Variants in HERC3 observed in about 807,000 individuals in gnomAD.
HERC3 encodes the protein probable E3 ubiquitin-protein ligase HERC3.
HERC3 carries 58 observed loss-of-function variants against 129.9 expected under a neutral mutation model. The observed-to-expected ratio is 0.45, with a 90% CI of 0.36 to 0.56. The LOEUF is 0.56. HERC3 is among the 20% of genes least tolerant of loss of function. HERC3 has a pLI of 0.00. For missense variants in HERC3, 835 were observed against 1,244.2 expected (o/e 0.67, Z 4.95); for synonymous variants, 430 against 451.0 (o/e 0.95, Z 0.59).
intron 11 of HERC3, among the ~76,000 whole-genome samples, 179 bp from the exon 12 acceptor site, chr4:88,663,974 C>T (rs1022129588): frequency 6.6e-6 from 1 of 152,068 alleles, no homozygotes; most frequent in East Asian, 1.9e-4. Flanking sequence ...AGTTCTTCTT[C>T]ATTTTGAGAT....
intron 3 of HERC3, among the ~76,000 whole-genome samples, chr4:88,636,950 C>T (rs950037927): frequency 1.8e-4 from 28 of 151,878 alleles, no homozygotes; most frequent in African/African-American, 6.5e-4. Context: ...GGCAAAACAG[C>T]GAAACCCCAT....
At chr4:88,698,901 T>C (rs1476977803) in intron 23 of HERC3, among the ~76,000 whole-genome samples, 36 of 73,366 alleles carry the variant, frequency 4.9e-4, no homozygotes, top group African/African-American at 1.3e-3. Context: ...CCACCCTCCT[T>C]ACCCTCTTCT....
chr4:88,612,327 G>GTGTGTGTGTGT (rs1560675020), intron 3 of HERC3, among the ~76,000 whole-genome samples: 14 of 149,690 alleles, frequency 9.4e-5, no homozygotes, highest in South Asian at 6.3e-4. Flanking sequence ...GTGTGTGTGT[G>GTGTGTGTGTGT]GTAAGAAGGA....
intron 2 of HERC3, among the ~76,000 whole-genome samples, chr4:88,605,466 C>T (rs1032365256): frequency 6.6e-6 from 1 of 152,154 alleles, no homozygotes; most frequent in Admixed American, 6.5e-5. Context: ...CTGTTACTAA[C>T]TTAATGGTTT....
chr4:88,692,638 A>C (rs1469754170), intron 23 of HERC3, among the ~76,000 whole-genome samples: 2 of 152,188 alleles, frequency 1.3e-5, no homozygotes. Context: ...TGCCAGTAAC[A>C]CTTCTTGAGT....
intron 5 of HERC3, 143 bp downstream of exon 5, chr4:88,652,231 A>T: frequency 1.5e-6 from 1 of 651,970 alleles, no homozygotes. Flanking sequence ...GACAATTCTC[A>T]TATGGGCTTT....
chr4:88,553,391 T>C, the HERC3 span, among the ~76,000 whole-genome samples: 3 of 152,188 alleles, frequency 2.0e-5, no homozygotes, highest in African/African-American at 7.2e-5. Flanking sequence ...CTCTGTTGCT[T>C]GTAAACAACA....
chr4:88,670,876 T>C (rs1212088966), intron 16 of HERC3, among the ~76,000 whole-genome samples: 5 of 152,114 alleles, frequency 3.3e-5, no homozygotes, highest in Non-Finnish European at 1.5e-5. Flanking sequence ...TATGCCACAA[T>C]TCCCACTGCA....
chr4:88,675,118 T>C (rs1203664820), intron 16 of HERC3, among the ~76,000 whole-genome samples: 33 of 152,228 alleles, frequency 2.2e-4, no homozygotes, highest in East Asian at 1.9e-4. Flanking sequence ...AAACCCTAGT[T>C]GCATTGTGGA....
chr4:88,653,175 C>A, intron 6 of HERC3, 85 bp downstream of exon 6: 2 of 1,311,080 alleles, frequency 1.5e-6, no homozygotes, highest in Non-Finnish European at 2.1e-6. Flanking sequence ...TATGTGCTAG[C>A]CCCATGTGAG....
At chr4:88,609,709 T>C (rs1232227096) in intron 3 of HERC3, among the ~76,000 whole-genome samples, 3 of 152,152 alleles carry the variant, frequency 2.0e-5, no homozygotes, top group East Asian at 3.9e-4. Flanking sequence ...GACAGAGAAA[T>C]ATGTTACAGG....
At chr4:88,601,523 T>C (rs1206899264) in intron 2 of HERC3, among the ~76,000 whole-genome samples, 1 of 152,264 alleles carries the variant, frequency 6.6e-6, no homozygotes, top group Non-Finnish European at 1.5e-5. Flanking sequence ...GTAGATTGGC[T>C]GATATATTCA....
chr4:88,608,502 A>G (rs952435602), intron 3 of HERC3, among the ~76,000 whole-genome samples: 12 of 152,238 alleles, frequency 7.9e-5, no homozygotes, highest in African/African-American at 2.9e-4. Context: ...TGTTTACTAA[A>G]ATGAAAATTC....
At chr4:88,534,723 G>A in the HERC3 span, among the ~76,000 whole-genome samples, 6 of 152,180 alleles carry the variant, frequency 3.9e-5, no homozygotes, top group African/African-American at 1.4e-4. Context: ...GCTTTGAAAT[G>A]TGTGATTCTA....
At chr4:88,585,137 T>C in the HERC3 span, among the ~76,000 whole-genome samples, 38 of 152,326 alleles carry the variant, frequency 2.5e-4, no homozygotes, top group African/African-American at 7.7e-4. Context: ...GCTACCTCTA[T>C]AGGGTCTCTT....
the HERC3 span, among the ~76,000 whole-genome samples, chr4:88,582,907 A>G: frequency 6.6e-6 from 1 of 152,090 alleles, no homozygotes; most frequent in Non-Finnish European, 1.5e-5. Context: ...CCTCTCTCCT[A>G]TGAAGAGGGT....
At chr4:88,666,301 A>C (rs1215725523) in intron 12 of HERC3, among the ~76,000 whole-genome samples, 4 of 152,174 alleles carry the variant, frequency 2.6e-5, no homozygotes, top group Admixed American at 1.3e-4. Context: ...AATCAAAATG[A>C]AGACCAGATT....
At chr4:88,590,351 G>A (rs1478199205), upstream of HERC3, among the ~76,000 whole-genome samples, 4 of 152,026 alleles carry the variant, frequency 2.6e-5, no homozygotes, top group African/African-American at 7.3e-5. Context: ...ACGAGGTCAG[G>A]AGATTGAGAC....
intron 1 of HERC3, chr4:88,593,491 A>G (rs181765666): frequency 2.4e-4 from 37 of 152,388 alleles, no homozygotes; most frequent in African/African-American, 8.9e-4. Context: ...GCTCCAGGGA[A>G]TAAGTATTTG....
Sources: allele counts gnomAD v4.1 joint callset (sites outside exome capture counted in the v4.1 genomes callset), GRCh38; gene constraint gnomAD v4.1.1; transcripts MANE v1.5; gene names NCBI Gene and HGNC (gene_info 2026-07-23, HGNC 2026-07-21).